The following SORCS2 variants were observed in gnomAD, a reference collection of about 807,000 sequenced individuals.
SORCS2 encodes the protein VPS10 domain-containing receptor SorCS2.
In SORCS2, 100 loss-of-function variants were observed where a neutral mutation model predicts 141.6. That is an observed-to-expected ratio of 0.71 (90% CI 0.60 to 0.83). SORCS2 has a LOEUF of 0.83. Among genes scored for constraint, SORCS2 ranks in the 40% least tolerant of loss-of-function variants. The pLI is 0.00. For missense variants in SORCS2, 1,646 were observed against 1,560.2 expected (o/e 1.05, Z -0.93); for synonymous variants, 789 against 676.9 (o/e 1.17, Z -2.57).
At chr4:7,422,214 G>T (rs1726125674) in intron 2 of SORCS2, among the ~76,000 whole-genome samples, 1 of 152,166 alleles carries the variant, frequency 6.6e-6, no homozygotes, top group African/African-American at 2.4e-5. Context: ...ACCTTCTCCT[G>T]TCACTGCCCT....
At chr4:7,535,629 C>T (rs912734418) in intron 3 of SORCS2, among the ~76,000 whole-genome samples, 11 of 152,240 alleles carry the variant, frequency 7.2e-5, no homozygotes, top group African/African-American at 2.2e-4. Flanking sequence ...ATGAGTTACT[C>T]GTGTGACCCA....
At chr4:7,447,983 A>G (rs972534056) in intron 2 of SORCS2, among the ~76,000 whole-genome samples, 2 of 152,192 alleles carry the variant, frequency 1.3e-5, no homozygotes, top group Non-Finnish European at 1.5e-5. Flanking sequence ...GTTTTGCCAC[A>G]TATGCCGCTG....
chr4:7,384,926 G>T (rs571825301), intron 1 of SORCS2, among the ~76,000 whole-genome samples: 1 of 152,230 alleles, frequency 6.6e-6, no homozygotes, highest in Non-Finnish European at 1.5e-5. Flanking sequence ...CAGGCTCGCC[G>T]GCTCAGCTTC....
At chr4:7,601,312 A>G (rs773154345) in intron 3 of SORCS2, among the ~76,000 whole-genome samples, 1 of 148,554 alleles carries the variant, frequency 6.7e-6, no homozygotes, top group South Asian at 2.1e-4. Context: ...ATTAAACCTC[A>G]TTTTTTTTTT....
intron 2 of SORCS2, among the ~76,000 whole-genome samples, chr4:7,457,621 T>C (rs1177936253): frequency 6.8e-6 from 1 of 147,808 alleles, no homozygotes; most frequent in African/African-American, 2.5e-5. Context: ...TAGTGAGCAT[T>C]GCAAGCTGAC....
Position 7,675,980 on chromosome 4 carries a change from G to C in SORCS2, c.1162-70G>C, listed in dbSNP as rs1284893438. The C allele has an allele frequency of 4.0e-6, 6 of 1,517,620 alleles. No individual in the cohort carries two copies. In the African/African-American group the frequency reaches 5.5e-5, roughly 14 times the overall value. The allele number at this position is 1,517,620 out of a possible 1,614,324, so 94.0% of individuals were successfully genotyped here. On this transcript the variant is annotated intron_variant, in intron 8 of 26. Transcript: ENST00000507866. ...CTTCTGCACCCTCACGGCCTGTGCA[G>C]CCTGCTTCTTCCTCCCTCGTGCAGC... is the stretch of plus-strand genomic sequence containing the variant.
At chr4:7,343,075 G>A (rs1260634317) in intron 1 of SORCS2, among the ~76,000 whole-genome samples, 1 of 152,202 alleles carries the variant, frequency 6.6e-6, no homozygotes, top group East Asian at 1.9e-4. Context: ...TGTGGGCCCC[G>A]AGTAGCTCGT....
intron 2 of SORCS2, among the ~76,000 whole-genome samples, chr4:7,420,949 A>G (rs1344253099): frequency 1.3e-5 from 2 of 152,154 alleles, no homozygotes; most frequent in Non-Finnish European, 2.9e-5. Context: ...AGGGGACAGC[A>G]GGGTGCCCAG....
At chr4:7,447,669 G>T (rs977592926) in intron 2 of SORCS2, among the ~76,000 whole-genome samples, 1 of 152,168 alleles carries the variant, frequency 6.6e-6, no homozygotes, top group Non-Finnish European at 1.5e-5. Flanking sequence ...GAGCACGGGG[G>T]TCCTCCAGGC....
chr4:7,598,925 G>C lies in SORCS2; in HGVS notation c.649-39403G>C, dbSNP rs115093237. Among the ~76,000 whole-genome samples the C allele has an allele frequency of 8.4e-3, 1,273 of 152,296 alleles. 18 individuals are homozygous for C. Among genetic ancestry groups the C allele is most frequent in the African/African-American group, 0.03 (1,236 of 41,572 alleles). On this transcript the variant is annotated intron_variant, in intron 3 of 26. Coordinates refer to ENST00000507866, the MANE Select transcript of SORCS2 (RefSeq NM_020777.3). Reference sequence around the variant, plus strand: ...AGGAGCCCTGCAGTGTGCCATGGGGGCCTTGCTGGCCACAGCCTGGCTGTT... The same window carrying C: ...AGGAGCCCTGCAGTGTGCCATGGGGCCCTTGCTGGCCACAGCCTGGCTGTT...
Position 7,192,634 on chromosome 4 carries a change from G to A in SORCS2, c.-13G>A. On this transcript the variant is annotated 5_prime_UTR_variant, in exon 1 of 27. Coordinates refer to ENST00000507866, the MANE Select transcript of SORCS2 (RefSeq NM_020777.3). The surrounding 1 kb of genome is among the most constrained non-coding windows in gnomAD (Gnocchi z 4.0). ...CCGCCCCGCCGCCGGCTCCGCTGCC[G>A]CCCCTGGCGACCATGGCGCACCGGG... 1.0e-6 allele frequency: 1 copy of A among 987,266 alleles called. No individual in the cohort carries two copies. Among genetic ancestry groups the A allele is most frequent in the Non-Finnish European group, 1.2e-6 (1 of 832,206 alleles). The allele number at this position is 987,266 out of a possible 1,614,324, so 61.2% of individuals were successfully genotyped here.
intron 10 of SORCS2, among the ~76,000 whole-genome samples, chr4:7,689,130 C>A (rs17381732): frequency 0.41 from 61,835 of 151,858 alleles, 12,915 homozygotes; most frequent in South Asian, 0.53. Context: ...CAAGAGCCCT[C>A]AGTGGGAGAA....
At chr4:7,380,478 AATTC>A (rs1455012977) in intron 1 of SORCS2, among the ~76,000 whole-genome samples, 1 of 27,776 alleles carries the variant, frequency 3.6e-5, no homozygotes, top group South Asian at 8.1e-4. Context: ...TCTGAATTCA[AATTC>A]AAGAGAAACT....
Position 7,676,142 on chromosome 4 carries a change from C to T in SORCS2, c.1254C>T (p.Asp418=). 6.4e-7 allele frequency: 1 copy of T among 1,573,080 alleles called. No homozygotes were observed. ...QMDTYNLYQS[D]PRGVRYALVL... ...ACACCTACAACCTGTACCAGTCGGA[C>T]CCACGGGGCGTGCGCTACGCGCTGG... is the stretch of plus-strand genomic sequence containing the variant. The change falls in exon 9 of 27, where the codon GAC becomes GAT. Residue 418 remains aspartate, a synonymous_variant. Transcript: ENST00000507866.
At chr4:7,652,884 T>G (rs73074575) in intron 4 of SORCS2, among the ~76,000 whole-genome samples, 2,675 of 152,348 alleles carry the variant, frequency 0.018, 76 homozygotes, top group African/African-American at 0.061. Context: ...TGAAAAATGT[T>G]GACAATCAGG....
chr4:7,493,933 C>T lies in SORCS2; in HGVS notation c.549-37597C>T, dbSNP rs73798934. Among the ~76,000 whole-genome samples, 942 of 152,308 alleles carry T rather than the reference C, an allele frequency of 6.2e-3. 10 individuals carry two copies. The highest frequency in any genetic ancestry group is 0.02 in the Middle Eastern group (6 of 294). On this transcript the variant is annotated intron_variant, in intron 2 of 26. Transcript: ENST00000507866. Reference sequence around the variant, plus strand: ...AGTGTGTTAACACTGGGACACAAGCCTTTTAGTTTCCATCTGGTGCATTAT... The same window carrying T: ...AGTGTGTTAACACTGGGACACAAGCTTTTTAGTTTCCATCTGGTGCATTAT...
chr4:7,724,150 G>GGTGGTGATA (rs1726825532), intron 19 of SORCS2, among the ~76,000 whole-genome samples: 1 of 135,394 alleles, frequency 7.4e-6, no homozygotes, highest in African/African-American at 3.3e-5. Flanking sequence ...TGATGGTCGT[G>GGTGGTGATA]GTGGTGGTGG....
intron 2 of SORCS2, among the ~76,000 whole-genome samples, chr4:7,464,919 C>T (rs558699829): frequency 3.3e-5 from 5 of 152,340 alleles, no homozygotes; most frequent in African/African-American, 4.8e-5. Context: ...CCATGGGTCC[C>T]GGCAGCACAG....
chr4:7,409,661 G>A (rs919909422), intron 2 of SORCS2, among the ~76,000 whole-genome samples: 1 of 152,214 alleles, frequency 6.6e-6, no homozygotes, highest in Non-Finnish European at 1.5e-5. Context: ...TGAGTTGGTG[G>A]TAAGTTTTCT....
Sources: gnomAD v4.1 joint callset for allele counts (sites outside exome capture counted in the v4.1 genomes callset) on GRCh38, gnomAD v4.1.1 for gene constraint, Gnocchi (gnomAD v3.1) non-coding constraint, MANE v1.5 for transcripts, NCBI Gene and HGNC (gene_info 2026-07-23, HGNC 2026-07-21) for gene names.